Variants in TPRG1 observed in about 807,000 individuals in gnomAD.
TPRG1 encodes the protein tumor protein p63-regulated gene 1 protein.
TPRG1 carries 29 observed loss-of-function variants against 29.3 expected under a neutral mutation model. The observed-to-expected ratio is 0.99, with a 90% CI of 0.74 to 1.35. The LOEUF is 1.35. TPRG1 is among the 40% of genes most tolerant of loss of function. The pLI is 0.00. For synonymous variants in TPRG1, 130 were observed against 116.8 expected, an observed-to-expected ratio of 1.11 and a Z score of -0.73; for missense variants, 327 against 335.0, an observed-to-expected ratio of 0.98 and a Z score of 0.19.
At chr3:189,261,285 G>A (rs1275272247) in intron 4 of TPRG1, among the ~76,000 whole-genome samples, 1 of 152,028 alleles carries the variant, frequency 6.6e-6, no homozygotes, top group Non-Finnish European at 1.5e-5. Flanking sequence ...TTTTAATTAA[G>A]AAGAAATGAT....
In TPRG1 at chr3:189,238,836, C is replaced by T; in HGVS notation, c.406C>T (p.Gln136Ter). 6.2e-7 allele frequency: 1 copy of T among 1,613,776 alleles called. No homozygotes were observed. Among genetic ancestry groups the T allele is most frequent in the Non-Finnish European group, 8.5e-7 (1 of 1,179,736 alleles). The change falls in exon 4 of 6, where the codon CAG (glutamine) becomes TAG (stop). Residue 136 changes from glutamine to a stop codon, truncating the protein, a stop_gained. Transcript: ENST00000345063. LOFTEE classifies it high-confidence loss of function. ...DFIMLSCVQL[Q>*]RIPLSAVYRI... ...CATCATGCTGAGTTGTGTGCAGCTG[C>T]AGCGGATTCCTCTGAGCGCTGTCTA...
chr3:189,226,356 A>G (rs1737719582), intron 3 of TPRG1, among the ~76,000 whole-genome samples: 1 of 152,204 alleles, frequency 6.6e-6, no homozygotes, highest in Non-Finnish European at 1.5e-5. Context: ...TCAAACTAGA[A>G]ATAAATAATA....
chr3:189,181,336 C>G (rs1205286612), intron 1 of TPRG1, among the ~76,000 whole-genome samples: 1 of 152,198 alleles, frequency 6.6e-6, no homozygotes, highest in Non-Finnish European at 1.5e-5. Flanking sequence ...TCTTTTCTAT[C>G]TCAGTCAGGC....
intron 4 of TPRG1, among the ~76,000 whole-genome samples, chr3:189,290,558 C>T (rs1373561555): frequency 6.6e-6 from 1 of 152,206 alleles, no homozygotes; most frequent in African/African-American, 2.4e-5. Context: ...ATGAAATCAG[C>T]AATTAAGTGG....
At chr3:189,165,963 T>C (rs1388469643) in intron 5 of TPRG1, among the ~76,000 whole-genome samples, 6 of 152,114 alleles carry the variant, frequency 3.9e-5, no homozygotes, top group Non-Finnish European at 8.8e-5. Flanking sequence ...CCCAGGTGAT[T>C]TGGGCTCTCT....
intron 4 of TPRG1, among the ~76,000 whole-genome samples, chr3:189,297,999 G>A (rs1477250689): frequency 6.6e-6 from 1 of 152,040 alleles, no homozygotes; most frequent in African/African-American, 2.4e-5. Flanking sequence ...AAAGCTCTGT[G>A]GTAGAAGTAA....
intron 4 of TPRG1, among the ~76,000 whole-genome samples, chr3:189,074,199 CTT>C (rs554150288): frequency 0.018 from 1,252 of 67,946 alleles, 11 homozygotes; most frequent in African/African-American, 0.079. Flanking sequence ...AATTATTTTC[CTT>C]TTTTTTTTTT....
chr3:189,251,691 A>T (rs1245702749), intron 4 of TPRG1, among the ~76,000 whole-genome samples: 1 of 152,236 alleles, frequency 6.6e-6, no homozygotes, highest in East Asian at 1.9e-4. Context: ...TTAGATATGC[A>T]TACACATAAA....
At chr3:189,091,383 A>G (rs1014340146) in intron 4 of TPRG1, among the ~76,000 whole-genome samples, 2 of 152,162 alleles carry the variant, frequency 1.3e-5, no homozygotes, top group East Asian at 3.8e-4. Flanking sequence ...TGACAAATAT[A>G]TACAACCACT....
chr3:189,320,442 C>G (rs4687036), intron 5 of TPRG1, among the ~76,000 whole-genome samples, 184 bp from the exon 6 acceptor site: 80,039 of 151,934 alleles, frequency 0.53, 23,864 homozygotes, highest in African/African-American at 0.81. Context: ...TCTTAATGGA[C>G]TTAAGCACAG....
chr3:189,077,112 G>T (rs1414098922), intron 4 of TPRG1, among the ~76,000 whole-genome samples: 3 of 152,136 alleles, frequency 2.0e-5, no homozygotes, highest in Non-Finnish European at 4.4e-5. Context: ...AACTATGGGA[G>T]AGTGTTCCGC....
chr3:189,291,002 C>A (rs1304477763), intron 4 of TPRG1, among the ~76,000 whole-genome samples: 1 of 152,076 alleles, frequency 6.6e-6, no homozygotes, highest in South Asian at 2.1e-4. Flanking sequence ...TCCGGGTTCA[C>A]GCCATTCTCC....
chr3:189,231,457 A>C (rs1202079686), intron 3 of TPRG1, among the ~76,000 whole-genome samples: 2 of 152,102 alleles, frequency 1.3e-5, no homozygotes, highest in East Asian at 3.9e-4. Context: ...GAATATACAA[A>C]GTGTTTAAGG....
At chr3:189,095,280 T>C (rs577166508), upstream of TPRG1, among the ~76,000 whole-genome samples, 2 of 152,282 alleles carry the variant, frequency 1.3e-5, no homozygotes, top group East Asian at 1.9e-4. Flanking sequence ...AGGTTTCTAA[T>C]GATGAACAAA....
At chr3:189,211,517 A>G (rs1735260176) in intron 2 of TPRG1, 1 of 152,226 alleles carries the variant, frequency 6.6e-6, no homozygotes, top group Admixed American at 6.5e-5. Context: ...CACAAAAAAA[A>G]GTATATCTGG....
chr3:189,305,383 A>C (rs59141063), intron 4 of TPRG1, among the ~76,000 whole-genome samples: 8,952 of 152,292 alleles, frequency 0.059, 611 homozygotes, highest in African/African-American at 0.16. Flanking sequence ...TCTCTTACAA[A>C]GTTGGTTATC....
At chr3:189,101,055 G>A (rs1446023722) in intron 1 of TPRG1, among the ~76,000 whole-genome samples, 1 of 152,206 alleles carries the variant, frequency 6.6e-6, no homozygotes, top group Non-Finnish European at 1.5e-5. Flanking sequence ...CTCCTTGGCA[G>A]CCATGCCCTT....
chr3:189,311,388 A>G (rs1422936332), intron 5 of TPRG1, among the ~76,000 whole-genome samples: 1 of 152,172 alleles, frequency 6.6e-6, no homozygotes, highest in East Asian at 1.9e-4. Flanking sequence ...AAAACTTGGC[A>G]ATCTGTATGT....
rs186458134 is a variant in TPRG1 at position 189,145,099 on chromosome 3, C to T, written c.-290-2485C>T. Among the ~76,000 whole-genome samples, 4 of 152,166 alleles carry T rather than the reference C, an allele frequency of 2.6e-5. No individual in the cohort carries two copies. In the East Asian group the frequency reaches 7.7e-4, roughly 29 times the overall value. The stretch of plus-strand genomic sequence containing the variant: ...ATGACACCGGCCGGGTGCGGTGGCT[C>T]AAGCCTGTAATCCCAGCACTTTGGG... On this transcript the variant is annotated intron_variant, in intron 3 of 6. Coordinates refer to the TPRG1 transcript ENST00000412373.
Sources: allele counts gnomAD v4.1 joint callset (sites outside exome capture counted in the v4.1 genomes callset), GRCh38; gene constraint gnomAD v4.1.1; transcripts MANE v1.5; gene names NCBI Gene and HGNC (gene_info 2026-07-23, HGNC 2026-07-21).